Variants in KIAA1549 observed in about 807,000 individuals in gnomAD.
KIAA1549 encodes the protein UPF0606 protein KIAA1549.
Under a neutral mutation model 156.4 loss-of-function variants are expected in KIAA1549, and 70 were observed. That is an observed-to-expected ratio of 0.45 (90% CI 0.37 to 0.55). The LOEUF (loss-of-function observed/expected upper bound fraction) is 0.55. Ranked by LOEUF, KIAA1549 falls within the 20% of genes least tolerant of loss-of-function variation. The probability of loss-of-function intolerance (pLI) is 0.00; values close to 1 mark genes in which losing one functional copy is unlikely to be tolerated. For synonymous variants in KIAA1549, 1,103 were observed against 1,066.4 expected (o/e 1.03, Z -0.67); for missense variants, 2,428 against 2,540.9 (o/e 0.96, Z 0.96).
intron 17 of KIAA1549, among the ~76,000 whole-genome samples, chr7:138,851,619 A>G: frequency 6.6e-6 from 1 of 151,564 alleles, no homozygotes. Flanking sequence ...TAAGGCCAAG[A>G]GTGATGTAAT....
intron 15 of KIAA1549, among the ~76,000 whole-genome samples, chr7:138,863,744 G>A (rs1810656021): frequency 6.6e-6 from 1 of 152,096 alleles, no homozygotes; most frequent in Admixed American, 6.5e-5. Context: ...TTCTCTCCAC[G>A]GCAGTCCCCA....
In KIAA1549 at chr7:138,871,209, T is replaced by C; in HGVS notation, c.4499A>G (p.Gln1500Arg). 1 of 1,613,434 alleles carries C rather than the reference T, an allele frequency of 6.2e-7. No individual in the cohort carries two copies. Among genetic ancestry groups the C allele is most frequent in the Non-Finnish European group, 8.5e-7 (1 of 1,179,882 alleles). Residue 1500 changes from glutamine (Q) to arginine (R), a missense_variant, in exon 13 of 20, where the codon CAG (glutamine) becomes CGG (arginine). Around this residue, in one of 5 missense-constraint regions of KIAA1549, gnomAD observed 404 missense variants for 417.0 expected, o/e 0.97. Coordinates refer to ENST00000422774, the MANE Select transcript of KIAA1549 (RefSeq NM_001164665.2). The part of the protein sequence containing the change: ...AMQPIPAPPV[Q>R]RPSPADRVAE... ...CACTCGGTCGGCTGGGGAGGGGCGC[T>C]GGACGGGAGGTGCCGGGATCGGCTG...
chr7:138,862,437 G>A (rs1050248518), intron 15 of KIAA1549, among the ~76,000 whole-genome samples: 3 of 151,120 alleles, frequency 2.0e-5, no homozygotes, highest in Admixed American at 1.3e-4. Context: ...CCAGGAGGTC[G>A]AGGTTGCAGT....
chr7:138,952,083 C>G (rs1209949606), intron 1 of KIAA1549, among the ~76,000 whole-genome samples: 1 of 152,266 alleles, frequency 6.6e-6, no homozygotes, highest in Admixed American at 6.5e-5. Context: ...GGTGAACGCA[C>G]GGAAGGCACT....
intron 1 of KIAA1549, among the ~76,000 whole-genome samples, chr7:138,949,007 G>A (rs1178092642): frequency 6.6e-6 from 1 of 151,966 alleles, no homozygotes; most frequent in Non-Finnish European, 1.5e-5. Flanking sequence ...GCCCGGCCAG[G>A]GTTTATACCG....
At chr7:138,911,372 G>T in intron 3 of KIAA1549, 49 bp from the exon 4 acceptor site, 1 of 1,359,278 alleles carries the variant, frequency 7.4e-7, no homozygotes, top group Non-Finnish European at 1.0e-6. Context: ...AGGAAGTTGT[G>T]TTACACAGAA....
At position 138,917,105 on chromosome 7, in the gene KIAA1549, C is replaced by T. The variant is rs754850240; in HGVS notation, c.2521G>A (p.Asp841Asn). ...AIPTGTVLIT[D>N]AYLPSGSSFV... is the part of the protein sequence containing the mutation. ...GAGGATCCTGATGGCAGGTACGCGT[C>T]AGTGATCAACACCGTACCAGTGGGA... The change falls in exon 2 of 20, where the codon GAC becomes AAC. Residue 841 changes from aspartate to asparagine, a missense_variant. By Grantham distance (23) the Asp-to-Asn change is conservative (BLOSUM62 1). This residue lies in a region of KIAA1549 where 762 missense variants were observed against 901.6 expected (regional missense o/e 0.85). Transcript: ENST00000422774. 1.4e-5 allele frequency: 23 copies of T among 1,610,964 alleles called. No individual in the cohort carries two copies.
At chr7:138,878,613 T>C (rs1440115499) in intron 12 of KIAA1549, among the ~76,000 whole-genome samples, 1 of 151,956 alleles carries the variant, frequency 6.6e-6, no homozygotes, top group Admixed American at 6.6e-5. Flanking sequence ...TATACAAAAA[T>C]TAGCCAGGTG....
chr7:138,968,124 T>C (rs560803392), intron 1 of KIAA1549, among the ~76,000 whole-genome samples: 19 of 152,116 alleles, frequency 1.2e-4, no homozygotes, highest in African/African-American at 3.9e-4. Context: ...CACTTATAAG[T>C]GGGAGCTAAA....
intron 17 of KIAA1549, among the ~76,000 whole-genome samples, chr7:138,848,388 G>A (rs534566671): frequency 5.7e-4 from 87 of 152,300 alleles, no homozygotes; most frequent in Non-Finnish European, 1.0e-3. Flanking sequence ...ATGATGGGAT[G>A]TTGAATTTTA....
chr7:138,892,149 C>G (rs1339572877), intron 10 of KIAA1549, among the ~76,000 whole-genome samples: 1 of 152,164 alleles, frequency 6.6e-6, no homozygotes, highest in Non-Finnish European at 1.5e-5. Flanking sequence ...AAAAGAGCAG[C>G]TCTAAGGGCT....
chr7:138,882,338 A>T (rs548902424), intron 10 of KIAA1549, among the ~76,000 whole-genome samples: 1 of 152,368 alleles, frequency 6.6e-6, no homozygotes, highest in South Asian at 2.1e-4. Flanking sequence ...GAAAGAAGCC[A>T]TTGAGGACGT....
intron 4 of KIAA1549, among the ~76,000 whole-genome samples, chr7:138,910,368 T>C (rs1052657656): frequency 6.6e-6 from 1 of 151,088 alleles, no homozygotes; most frequent in Non-Finnish European, 1.5e-5. Context: ...GAAGACCCCA[T>C]CTCTACAAAA....
Position 138,903,672 on chromosome 7 carries a change from C to T in KIAA1549, c.3585G>A (p.Lys1195=). ...NEVFQAEMER[K]LAQLLSEVST... ...AAACCTCGCTGAGCAGCTGGGCCAG[C>T]TTGCGTTCCATCTCGGCTTGAAACA... Residue 1195 remains lysine (K), a synonymous_variant, in exon 8 of 20, where the codon AAG becomes AAA. Coordinates refer to ENST00000422774, the MANE Select transcript of KIAA1549 (RefSeq NM_001164665.2). 1 of 1,611,934 alleles carries T rather than the reference C, an allele frequency of 6.2e-7. No individual in the cohort carries two copies.
At chr7:138,891,613 G>A (rs919430614) in intron 10 of KIAA1549, among the ~76,000 whole-genome samples, 2 of 152,212 alleles carry the variant, frequency 1.3e-5, no homozygotes, top group African/African-American at 4.8e-5. Context: ...AATCTGAAGA[G>A]GTTTCCTTCT....
At chr7:138,903,782 G>A in intron 7 of KIAA1549, 46 bp from the exon 8 acceptor site, 1 of 1,376,526 alleles carries the variant, frequency 7.3e-7, no homozygotes, top group Non-Finnish European at 9.7e-7. Flanking sequence ...CAAGTCAGCA[G>A]TAAAAAAACA....
chr7:138,902,531 C>G (rs1053551622), intron 8 of KIAA1549, among the ~76,000 whole-genome samples: 3 of 152,138 alleles, frequency 2.0e-5, no homozygotes, highest in Non-Finnish European at 4.4e-5. Context: ...TTAATGACAG[C>G]CCCAACCTCC....
At position 138,874,078 on chromosome 7, in the gene KIAA1549, T is replaced by G. The variant is rs1032154456; in HGVS notation, c.4346-2716A>C. On this transcript the variant is annotated intron_variant, in intron 12 of 19. Coordinates refer to ENST00000422774, the MANE Select transcript of KIAA1549 (RefSeq NM_001164665.2). ...AGTAATTATATATTACATACTTCTA[T>G]ATCATATATTAATAAATATAATTAT... Among the ~76,000 whole-genome samples the G allele has an allele frequency of 4.7e-5, 7 of 148,148 alleles. No individual in the cohort carries two copies. The East Asian group carries it at 1.4e-3, about 29-fold the overall frequency.
At chr7:138,904,588 A>G (rs899940659) in intron 7 of KIAA1549, among the ~76,000 whole-genome samples, 6 of 149,416 alleles carry the variant, frequency 4.0e-5, no homozygotes, top group African/African-American at 1.3e-4. Flanking sequence ...CTGCAATGCC[A>G]TACCTCTAAA....
Sources: gnomAD v4.1 joint callset for allele counts (sites outside exome capture counted in the v4.1 genomes callset) on GRCh38, gnomAD v4.1.1 for gene constraint, gnomAD v4.1.1 regional missense constraint, MANE v1.5 for transcripts, NCBI Gene and HGNC (gene_info 2026-07-23, HGNC 2026-07-21) for gene names.